CD96: variants seen among roughly 807,000 people sequenced by gnomAD.
CD96 encodes the protein CD96 molecule, also known as T-cell surface protein tactile.
In CD96, 70 loss-of-function variants were observed where a neutral mutation model predicts 71.3. The observed-to-expected ratio is 0.98, with a 90% CI of 0.81 to 1.20. The LOEUF (loss-of-function observed/expected upper bound fraction) is 1.20, where lower values mean the gene tolerates loss of function less well. Ranked by LOEUF, CD96 falls within the 50% of genes most tolerant of loss-of-function variation. The pLI, the probability that CD96 is intolerant of heterozygous loss-of-function variation, is 0.00. For missense variants in CD96, 742 were observed against 677.5 expected, an observed-to-expected ratio of 1.10 and a Z score of -1.06; for synonymous variants, 248 against 233.0, an observed-to-expected ratio of 1.06 and a Z score of -0.59.
At chr3:111,642,090 A>G (rs1195030880) in intron 12 of CD96, among the ~76,000 whole-genome samples, 1 of 152,232 alleles carries the variant, frequency 6.6e-6, no homozygotes, top group African/African-American at 2.4e-5. Context: ...TCAAGGAACT[A>G]GAGAAACAAG....
At chr3:111,619,747 T>C (rs1938428910) in intron 8 of CD96, among the ~76,000 whole-genome samples, 1 of 152,250 alleles carries the variant, frequency 6.6e-6, no homozygotes, top group Admixed American at 6.5e-5. Context: ...TTTTTAATTC[T>C]CTGCATGATA....
chr3:111,616,373 G>A (rs1484397960), intron 8 of CD96, among the ~76,000 whole-genome samples: 1 of 152,132 alleles, frequency 6.6e-6, no homozygotes, highest in African/African-American at 2.4e-5. Context: ...CTAAAGAAAA[G>A]CCATCTGGCT....
chr3:111,598,267 C>T lies in CD96; in HGVS notation c.898+57C>T, dbSNP rs1576370117. The stretch of plus-strand genomic sequence containing the variant: ...GTACAAAAAGAAAGAAAACAAAGAA[C>T]ATTAGAAATTGTCATTGCCCAAGTT... On this transcript the variant is annotated intron_variant, in intron 6 of 13. Coordinates refer to ENST00000352690, the MANE Select transcript of CD96 (RefSeq NM_005816.5). The T allele has an allele frequency of 3.1e-5, 25 of 816,554 alleles. No individual in the cohort carries two copies. In the East Asian group the frequency reaches 6.1e-4, roughly 20 times the overall value. 50.6% of individuals were successfully genotyped at this position (816,554 alleles called of 1,614,324 possible).
Position 111,651,667 on chromosome 3 carries a change from G to T in CD96, c.*1861G>T, listed in dbSNP as rs1418179369. 1 of 152,102 alleles carries T rather than the reference G, an allele frequency of 6.6e-6. No homozygotes were observed. Among genetic ancestry groups the T allele is most frequent in the African/African-American group, 2.4e-5 (1 of 41,388 alleles). The allele number at this position is 152,102 out of a possible 1,614,324, so 9.4% of individuals were successfully genotyped here. A position where few individuals can be genotyped will look rare whatever the true frequency, so the allele number is the denominator to read the frequency against. On this transcript the variant is annotated 3_prime_UTR_variant, in exon 14 of 14. Transcript: ENST00000352690. ...GGAGGCCGAGGTGGGTGGATCACGA[G>T]GTCAGGAGATCGAGACCATCCTGGC...
chr3:111,542,903 G>C (rs2107448706), intron 1 of CD96, among the ~76,000 whole-genome samples: 1 of 152,308 alleles, frequency 6.6e-6, no homozygotes, highest in South Asian at 2.1e-4. Flanking sequence ...AGCAAGATTA[G>C]TTCTGTATTC....
At chr3:111,584,829 G>A (rs1936633877) in intron 4 of CD96, among the ~76,000 whole-genome samples, 1 of 152,098 alleles carries the variant, frequency 6.6e-6, no homozygotes, top group African/African-American at 2.4e-5. Context: ...CATATCATAA[G>A]CCTTTGGACA....
intron 6 of CD96, among the ~76,000 whole-genome samples, chr3:111,599,615 G>C (rs1165127085): frequency 6.6e-6 from 1 of 152,062 alleles, no homozygotes; most frequent in East Asian, 1.9e-4. Context: ...CAGCTACTTG[G>C]GAGGCTGAGG....
chr3:111,635,462 T>C (rs2107748642), intron 10 of CD96, among the ~76,000 whole-genome samples: 1 of 152,326 alleles, frequency 6.6e-6, no homozygotes, highest in Non-Finnish European at 1.5e-5. Flanking sequence ...AAAAGAAGTT[T>C]CATGAAATTA....
intron 8 of CD96, among the ~76,000 whole-genome samples, chr3:111,620,547 G>A (rs574082309): frequency 6.6e-6 from 1 of 152,276 alleles, no homozygotes; most frequent in African/African-American, 2.4e-5. Context: ...CCATAGTAAA[G>A]GGGTCATTAT....
chr3:111,562,086 C>T (rs980474289), intron 2 of CD96, among the ~76,000 whole-genome samples: 1 of 152,238 alleles, frequency 6.6e-6, no homozygotes, highest in Non-Finnish European at 1.5e-5. Flanking sequence ...GTGCGCGCAC[C>T]CACTGGCCTG....
chr3:111,556,281 G>A (rs1452638074), intron 2 of CD96, among the ~76,000 whole-genome samples: 1 of 104,602 alleles, frequency 9.6e-6, no homozygotes, highest in African/African-American at 3.6e-5. Context: ...GTATACATGT[G>A]CCGTGCTGGT....
At position 111,563,187 on chromosome 3, in the gene CD96, C is replaced by A. The variant is rs549196825; in HGVS notation, c.419-4336C>A. On this transcript the variant is annotated intron_variant, in intron 2 of 13. Transcript: ENST00000352690. ...AAGGTTCCACCTTCTAATACTGACA[C>A]AATGGCAACCAAATTTCAACATGCA... is the stretch of plus-strand genomic sequence containing the variant. 4.6e-5 allele frequency among the ~76,000 whole-genome samples: 7 copies of A among 152,352 alleles called. No homozygotes were observed. The South Asian group carries it at 1.2e-3, about 27-fold the overall frequency.
chr3:111,588,393 G>A (rs955258957), intron 5 of CD96, among the ~76,000 whole-genome samples: 6 of 152,188 alleles, frequency 3.9e-5, no homozygotes, highest in African/African-American at 1.2e-4. Flanking sequence ...GGACCTTATT[G>A]TTCATATTAC....
At chr3:111,570,561 AG>A in intron 3 of CD96, 4 of 1,369,446 alleles carry the variant, frequency 2.9e-6, no homozygotes, top group East Asian at 2.5e-5. Context: ...GCCAGACATC[AG>A]GGGGCACTAG....
rs114622431 is a variant in CD96, at chr3:111,611,327, G to T, written c.1180+4535G>T. On this transcript the variant is annotated intron_variant, in intron 8 of 13. Coordinates refer to ENST00000352690, the MANE Select transcript of CD96 (RefSeq NM_005816.5). Reference sequence around the variant, plus strand: ...GGGTAAAGGAAGCAACTGACCAGGGGATGCAACAAAACTACTGATTTATGA... The same window carrying T: ...GGGTAAAGGAAGCAACTGACCAGGGTATGCAACAAAACTACTGATTTATGA... 2.7e-3 allele frequency among the ~76,000 whole-genome samples: 412 copies of T among 152,330 alleles called. 3 individuals are homozygous for T. The highest frequency in any genetic ancestry group is 9.2e-3 in the African/African-American group (382 of 41,588).
intron 5 of CD96, among the ~76,000 whole-genome samples, chr3:111,591,653 G>A (rs771482889): frequency 2.0e-5 from 3 of 152,022 alleles, no homozygotes; most frequent in Non-Finnish European, 4.4e-5. Flanking sequence ...TCCAGCCGTC[G>A]TCACTTGCAC....
intron 2 of CD96, among the ~76,000 whole-genome samples, chr3:111,550,134 C>T (rs539293995): frequency 6.6e-6 from 1 of 152,212 alleles, no homozygotes; most frequent in African/African-American, 2.4e-5. Flanking sequence ...AACCTGGAAA[C>T]ATATTACATA....
intron 8 of CD96, among the ~76,000 whole-genome samples, chr3:111,615,736 A>C (rs768467303): frequency 1.1e-4 from 16 of 152,204 alleles, no homozygotes; most frequent in Non-Finnish European, 2.1e-4. Flanking sequence ...ACCAACATCT[A>C]GTGAGGGGAG....
intron 3 of CD96, among the ~76,000 whole-genome samples, chr3:111,575,720 T>A (rs1225535253): frequency 6.6e-6 from 1 of 152,250 alleles, no homozygotes; most frequent in South Asian, 2.1e-4. Flanking sequence ...GTCTCTGTGC[T>A]TCCAAGATGG....
Sources: allele counts gnomAD v4.1 joint callset (sites outside exome capture counted in the v4.1 genomes callset), GRCh38; gene constraint gnomAD v4.1.1; transcripts MANE v1.5; gene names NCBI Gene and HGNC (gene_info 2026-07-23, HGNC 2026-07-21).